UBE2J2: variants seen among roughly 807,000 people sequenced by gnomAD.
The protein encoded by UBE2J2 is ubiquitin-conjugating enzyme E2 J2.
A neutral mutation model predicts 28.6 loss-of-function variants in UBE2J2; 5 were observed. That is an observed-to-expected ratio of 0.17 (90% CI 0.09 to 0.37). The LOEUF (loss-of-function observed/expected upper bound fraction) is 0.37, where lower values mean the gene tolerates loss of function less well. Among genes scored for constraint, UBE2J2 ranks in the 10% least tolerant of loss-of-function variants. The probability of loss-of-function intolerance (pLI) is 1.00; values close to 1 mark genes in which losing one functional copy is unlikely to be tolerated. For missense variants in UBE2J2, 226 were observed against 338.9 expected, an observed-to-expected ratio of 0.67 and a Z score of 2.62; for synonymous variants, 138 against 139.7, an observed-to-expected ratio of 0.99 and a Z score of 0.09.
rs60924258 is a variant in UBE2J2, at chr1:1,271,974, C to CAAAAAAAAAAAAAAA, written c.-1+1677_-1+1691dup. ...GGGCAACAAGAGCGAAACTCCGTCT[C>CAAAAAAAAAAAAAAA]AAAAAAAAAAAAAAAAAAAAAAAAA... On this transcript the variant is annotated intron_variant, in intron 1 of 6. Coordinates refer to ENST00000349431, the MANE Select transcript of UBE2J2 (RefSeq NM_058167.3). Among the ~76,000 whole-genome samples, 72 of 27,608 alleles carry CAAAAAAAAAAAAAAA rather than the reference C, an allele frequency of 2.6e-3. 4 individuals are homozygous for CAAAAAAAAAAAAAAA. The highest frequency in any genetic ancestry group is 4.4e-3 in the African/African-American group (59 of 13,292). 18.1% of individuals were successfully genotyped at this position (27,608 alleles called of 152,430 possible).
At position 1,267,945 on chromosome 1, in the gene UBE2J2, C is replaced by T. The variant is rs536241971; in HGVS notation, c.48G>A (p.Arg16=). 6.2e-7 allele frequency: 1 copy of T among 1,614,106 alleles called. No individual in the cohort carries two copies. Among genetic ancestry groups the T allele is most frequent in the East Asian group, 2.2e-5 (1 of 44,888 alleles). The change falls in exon 2 of 7, where the codon AGG becomes AGA. Residue 16 remains arginine (R), a synonymous_variant. Transcript: ENST00000349431. Reference sequence around the variant, plus strand: ...TAATGCGAAGGTAGTCCTGCTTCAGCCTCTGGGTTGCCGTGGTCGGAGCCC... The same window carrying T: ...TAATGCGAAGGTAGTCCTGCTTCAGTCTCTGGGTTGCCGTGGTCGGAGCCC... The part of the protein sequence containing the change: ...SKRAPTTATQ[R]LKQDYLRIKK...
At chr1:1,264,582 G>A (rs1258579979) in intron 2 of UBE2J2, among the ~76,000 whole-genome samples, 1 of 152,166 alleles carries the variant, frequency 6.6e-6, no homozygotes, top group African/African-American at 2.4e-5. Context: ...GACCAGCCTG[G>A]TCAACATGGC....
chr1:1,256,215 A>AG, intron 5 of UBE2J2, 90 bp from the exon 6 acceptor site: 1 of 942,546 alleles, frequency 1.1e-6, no homozygotes, highest in Non-Finnish European at 1.7e-6. Context: ...CAAGGGCTGC[A>AG]GTCTTCGTGT....
At position 1,268,704 on chromosome 1, in the gene UBE2J2, CTTAT is replaced by C. The variant is rs1640001155; in HGVS notation, c.1-716_1-713del. Among the ~76,000 whole-genome samples the C allele has an allele frequency of 6.6e-6, 1 of 152,192 alleles. No homozygotes were observed. Among genetic ancestry groups the C allele is most frequent in the Admixed American group, 6.5e-5 (1 of 15,284 alleles). On this transcript the variant is annotated intron_variant, in intron 1 of 6. Transcript: ENST00000349431. The surrounding 1 kb of genome is among the most constrained non-coding windows in gnomAD (Gnocchi z 4.7). ...GGGCCAGGGCATAAGAGTTTATTTACTTATTTTTCGTGAGACAGGGTCTTGCTCT... is the reference window on the plus strand; with the variant it reads ...GGGCCAGGGCATAAGAGTTTATTTACTTTTCGTGAGACAGGGTCTTGCTCT...
chr1:1,264,140 A>G (rs993572857), intron 2 of UBE2J2, among the ~76,000 whole-genome samples: 1 of 152,166 alleles, frequency 6.6e-6, no homozygotes. Flanking sequence ...TGCTCCTGGA[A>G]AAACCATAAG....
At chr1:1,267,682 C>CT in intron 2 of UBE2J2, 180 bp downstream of exon 2, 4 of 1,413,160 alleles carry the variant, frequency 2.8e-6, no homozygotes, top group Non-Finnish European at 3.7e-6. Context: ...GGCATGCGTC[C>CT]ATTGGGAAAA....
chr1:1,267,045 T>C (rs995858962), intron 2 of UBE2J2, among the ~76,000 whole-genome samples: 1 of 151,824 alleles, frequency 6.6e-6, no homozygotes, highest in South Asian at 2.1e-4. Flanking sequence ...TGCGCCATCA[T>C]GCCCAGCTAA....
Position 1,268,056 on chromosome 1 carries a change from C to A in UBE2J2, c.1-64G>T. 6.3e-7 allele frequency: 1 copy of A among 1,587,160 alleles called. No homozygotes were observed. The highest frequency in any genetic ancestry group is 1.7e-5 in the Admixed American group (1 of 59,300). On this transcript the variant is annotated intron_variant, in intron 1 of 6. Transcript: ENST00000349431. This position sits in a 1 kb window ranked among gnomAD's most constrained non-coding sequence, Gnocchi z 4.7. ...CGCCGGCCACAGCTCTCTCCCCTGG[C>A]GCAGCCCCACTCCCGCCTCTGCAGC...
chr1:1,256,034 G>C lies in UBE2J2; in HGVS notation c.495+11C>G, dbSNP rs372379966. 6.3e-7 allele frequency: 1 copy of C among 1,594,628 alleles called. No individual in the cohort carries two copies. ...GCAGGGGAAGGCGAAACCCACTTCC[G>C]TCTTTCTTACCTCCACGACTTCAGG... On this transcript the variant is annotated intron_variant, in intron 6 of 6. Coordinates refer to ENST00000349431, the MANE Select transcript of UBE2J2 (RefSeq NM_058167.3).
At position 1,273,750 on chromosome 1, in the gene UBE2J2, C is replaced by T. The variant is rs1640289118; in HGVS notation, c.-85G>A. On this transcript the variant is annotated 5_prime_UTR_variant, in exon 1 of 7. Transcript: ENST00000349431. ...GAGCAGGGTGCGGAAAAGCGGGGCC[C>T]GCGCCCGAAACAGCCGCACCGCCCC... The T allele has an allele frequency of 6.5e-6, 1 of 152,816 alleles. No homozygotes were observed. Among genetic ancestry groups the T allele is most frequent in the African/African-American group, 2.4e-5 (1 of 41,384 alleles). 9.5% of individuals were successfully genotyped at this position (152,816 alleles called of 1,614,324 possible). A position where few individuals can be genotyped will look rare whatever the true frequency, so the allele number is the denominator to read the frequency against.
chr1:1,256,377 G>A (rs1410022838), intron 5 of UBE2J2: 7 of 418,026 alleles, frequency 1.7e-5, no homozygotes, highest in Middle Eastern at 7.0e-4. Context: ...CGGGCTCCCC[G>A]CTGACAAGGC....
rs1196513343 is a variant in UBE2J2, at chr1:1,256,996, A to G, written c.410T>C (p.Phe137Ser). The change falls in exon 5 of 7, where the codon TTC becomes TCC. Residue 137 changes from phenylalanine (F) to serine (S), a missense_variant. By Grantham distance (155) the Phe-to-Ser change is radical (BLOSUM62 -2). Transcript: ENST00000349431. ...GGGAGAGGCTCTAAAACTTACCGTGAAGTCCGACGTCTCTATACTGCCCAG... is the reference window on the plus strand; with the variant it reads ...GGGAGAGGCTCTAAAACTTACCGTGGAGTCCGACGTCTCTATACTGCCCAG... ...PTLGSIETSDFTKRQLAVQSL... is the reference protein window; with the variant it reads ...PTLGSIETSDSTKRQLAVQSL... 8 of 1,548,542 alleles carry G rather than the reference A, an allele frequency of 5.2e-6. No homozygotes were observed. Among genetic ancestry groups the G allele is most frequent in the Non-Finnish European group, 6.1e-6 (7 of 1,145,330 alleles).
intron 1 of UBE2J2, among the ~76,000 whole-genome samples, chr1:1,271,988 A>ATAAT (rs1640172461): frequency 6.8e-6 from 1 of 147,132 alleles, no homozygotes; most frequent in African/African-American, 2.6e-5. Context: ...AAAAAAAAAA[A>ATAAT]AAAAAAAAAA....
At chr1:1,261,271 G>A (rs536231184) in intron 3 of UBE2J2, among the ~76,000 whole-genome samples, 1 of 152,242 alleles carries the variant, frequency 6.6e-6, no homozygotes, top group Non-Finnish European at 1.5e-5. Flanking sequence ...GGAAATGGGA[G>A]GGGCAGTAGG....
intron 2 of UBE2J2, among the ~76,000 whole-genome samples, chr1:1,266,544 G>A (rs1010686377): frequency 4.6e-5 from 7 of 151,376 alleles, no homozygotes; most frequent in Non-Finnish European, 8.9e-5. Flanking sequence ...AAATAAGGCC[G>A]GGCGTGGTGG....
intron 5 of UBE2J2, 193 bp from the exon 6 acceptor site, chr1:1,256,318 T>C: frequency 3.8e-6 from 2 of 532,342 alleles, no homozygotes; most frequent in Non-Finnish European, 3.3e-6. Context: ...ATTCATGATA[T>C]CACACTTGAT....
intron 3 of UBE2J2, 69 bp from the exon 4 acceptor site, chr1:1,257,379 CA>C (rs1639250663): frequency 6.9e-5 from 53 of 762,716 alleles, no homozygotes; most frequent in South Asian, 1.5e-4. Context: ...ACCTCGTCCC[CA>C]TCCCCCCACG....
intron 3 of UBE2J2, among the ~76,000 whole-genome samples, chr1:1,260,347 C>T (rs778901320): frequency 6.6e-6 from 1 of 152,226 alleles, no homozygotes; most frequent in African/African-American, 2.4e-5. Context: ...ATGTTTAGCT[C>T]GGTGCTAATG....
chr1:1,267,679 G>T, intron 2 of UBE2J2, 183 bp downstream of exon 2: 1 of 1,396,930 alleles, frequency 7.2e-7, no homozygotes, highest in Non-Finnish European at 9.4e-7. Context: ...CCCGGCATGC[G>T]TCCATTGGGA....
Sources: allele counts gnomAD v4.1 joint callset (sites outside exome capture counted in the v4.1 genomes callset), GRCh38; gene constraint gnomAD v4.1.1; non-coding constraint Gnocchi (gnomAD v3.1); transcripts MANE v1.5; gene names NCBI Gene and HGNC (gene_info 2026-07-23, HGNC 2026-07-21).